Variants in ATG7 observed in about 807,000 individuals in gnomAD.
ATG7 encodes autophagy related 7, also known as ubiquitin-like modifier-activating enzyme ATG7.
A neutral mutation model predicts 82.4 loss-of-function variants in ATG7; 70 were observed. The observed-to-expected ratio is 0.85, with a 90% CI of 0.70 to 1.04. The LOEUF is 1.04. Ranked by LOEUF, ATG7 falls within the 50% of genes least tolerant of loss-of-function variation. The pLI, the probability that ATG7 is intolerant of heterozygous loss-of-function variation, is 0.00. For synonymous variants in ATG7, 287 were observed against 313.0 expected (o/e 0.92, Z 0.88); for missense variants, 792 against 864.3 (o/e 0.92, Z 1.05).
intron 19 of ATG7, among the ~76,000 whole-genome samples, chr3:11,396,084 G>A (rs2079244297): frequency 6.6e-6 from 1 of 151,292 alleles, no homozygotes; most frequent in African/African-American, 2.4e-5. Flanking sequence ...CAAATAGGAG[G>A]AAGGTGATCC....
At chr3:11,376,605 T>C (rs1445189174) in intron 18 of ATG7, among the ~76,000 whole-genome samples, 1 of 152,096 alleles carries the variant, frequency 6.6e-6, no homozygotes, top group East Asian at 1.9e-4. Context: ...GGGAGGGAAG[T>C]TGTAGTTCAG....
chr3:11,277,879 G>A (rs538850383), intron 1 of ATG7, among the ~76,000 whole-genome samples: 96 of 115,948 alleles, frequency 8.3e-4, no homozygotes, highest in African/African-American at 3.2e-3. Flanking sequence ...CTCCCAGAGC[G>A]GCCCTTTATA....
chr3:11,519,292 A>C (rs181469374), intron 20 of ATG7, among the ~76,000 whole-genome samples: 30 of 152,290 alleles, frequency 2.0e-4, no homozygotes, highest in African/African-American at 6.5e-4. Context: ...GTACTATCAT[A>C]ATCCCCATTT....
chr3:11,493,936 G>A (rs2090606788), intron 20 of ATG7, among the ~76,000 whole-genome samples: 1 of 152,064 alleles, frequency 6.6e-6, no homozygotes, highest in African/African-American at 2.4e-5. Context: ...AACCATGACT[G>A]GAAACTGTGT....
chr3:11,302,679 A>G (rs561894858), intron 5 of ATG7, among the ~76,000 whole-genome samples: 51 of 152,346 alleles, frequency 3.3e-4, no homozygotes, highest in African/African-American at 1.2e-3. Context: ...CTGTGTCTTG[A>G]TAACAGAATG....
Position 11,293,546 on chromosome 3 carries a change from AAG to A in ATG7, c.-10-5138_-10-5137del, listed in dbSNP as rs1945310434. Among the ~76,000 whole-genome samples the A allele has an allele frequency of 2.0e-5, 3 of 146,912 alleles. No homozygotes were observed. In the South Asian group the frequency reaches 6.5e-4, roughly 32 times the overall value. ...ACTCTGTCTCAAAAAAAAAAAAAAA[AAG>A]AAAGAAAGTGAATGACTGGCCGGGC... On this transcript the variant is annotated intron_variant, in intron 3 of 20. Transcript: ENST00000693202.
intron 16 of ATG7, among the ~76,000 whole-genome samples, chr3:11,361,664 A>G (rs575015437): frequency 7.9e-5 from 12 of 152,284 alleles, no homozygotes; most frequent in Non-Finnish European, 1.3e-4. Context: ...CTGAAATTCA[A>G]ATTTAACTGA....
chr3:11,306,779 T>C (rs530828740), intron 5 of ATG7, among the ~76,000 whole-genome samples, 164 bp from the exon 6 acceptor site: 5 of 152,266 alleles, frequency 3.3e-5, no homozygotes, highest in African/African-American at 1.2e-4. Context: ...TGTTTTTTAG[T>C]TCTTGAGTTA....
At chr3:11,536,032 C>T (rs933545075) in intron 20 of ATG7, among the ~76,000 whole-genome samples, 3 of 152,188 alleles carry the variant, frequency 2.0e-5, no homozygotes, top group African/African-American at 7.2e-5. Flanking sequence ...GGGCCTCCAT[C>T]TCCATGGGTT....
At chr3:11,319,431 C>T (rs1475266803) in intron 9 of ATG7, among the ~76,000 whole-genome samples, 2 of 152,198 alleles carry the variant, frequency 1.3e-5, no homozygotes, top group African/African-American at 2.4e-5. Flanking sequence ...CACTGCTGCT[C>T]TTTGAGCCCT....
At chr3:11,489,192 G>C (rs2090097131) in intron 20 of ATG7, among the ~76,000 whole-genome samples, 1 of 152,340 alleles carries the variant, frequency 6.6e-6, no homozygotes, top group Non-Finnish European at 1.5e-5. Flanking sequence ...TGTATGCTGG[G>C]AGAACCACTG....
chr3:11,504,533 G>A (rs2091571631), intron 20 of ATG7, among the ~76,000 whole-genome samples: 1 of 152,192 alleles, frequency 6.6e-6, no homozygotes, highest in Non-Finnish European at 1.5e-5. Flanking sequence ...GTGGCAGCTG[G>A]GCCTGAAGCA....
intron 19 of ATG7, among the ~76,000 whole-genome samples, chr3:11,421,530 C>A (rs1399669438): frequency 6.6e-6 from 1 of 152,212 alleles, no homozygotes; most frequent in Non-Finnish European, 1.5e-5. Flanking sequence ...TCAGGCTCCA[C>A]TTTTAGTTCC....
chr3:11,549,916 T>A (rs1235280121), intron 20 of ATG7, among the ~76,000 whole-genome samples: 1 of 152,198 alleles, frequency 6.6e-6, no homozygotes, highest in Non-Finnish European at 1.5e-5. Context: ...TAGCTTCAGC[T>A]CTCCGAGGAG....
At chr3:11,467,690 C>T (rs1043157573) in intron 20 of ATG7, among the ~76,000 whole-genome samples, 1 of 152,010 alleles carries the variant, frequency 6.6e-6, no homozygotes, top group African/African-American at 2.4e-5. Context: ...TTTTTTATTC[C>T]TTTGTCCTGT....
intron 19 of ATG7, among the ~76,000 whole-genome samples, chr3:11,423,102 C>A (rs547217202): frequency 5.3e-4 from 81 of 152,228 alleles, no homozygotes; most frequent in African/African-American, 1.9e-3. Flanking sequence ...GTGACTCTTC[C>A]TTTCACTTGG....
At chr3:11,546,902 G>A (rs1037830636) in intron 20 of ATG7, among the ~76,000 whole-genome samples, 1 of 152,272 alleles carries the variant, frequency 6.6e-6, no homozygotes, top group Non-Finnish European at 1.5e-5. Flanking sequence ...GAGCAGCACA[G>A]GCTGATGCCA....
At position 11,317,678 on chromosome 3, in the gene ATG7, C is replaced by T. The variant is rs1012205016; in HGVS notation, c.678+2185C>T. ...CACGATCTCGGCTCACTGCAACCTC[C>T]GCCTCCTGGCTTCAAGTGATTCTCC... On this transcript the variant is annotated intron_variant, in intron 9 of 20. Coordinates refer to ENST00000693202, the MANE Select transcript of ATG7 (RefSeq NM_001349232.2). 7.9e-5 allele frequency among the ~76,000 whole-genome samples: 12 copies of T among 151,490 alleles called. 1 individual carries two copies. Among genetic ancestry groups the T allele is most frequent in the Admixed American group, 2.0e-4 (3 of 15,202 alleles).
In ATG7 at chr3:11,339,553, G is replaced by A. The variant is rs184988770; in HGVS notation, c.890-1092G>A. On this transcript the variant is annotated intron_variant, in intron 11 of 20. Transcript: ENST00000693202. Reference sequence around the variant, plus strand: ...GGGGGAGTAGCAGAGGTCCTGAGATGTAGGGAGCGCAAGAGAGTGGGATCC... The same window carrying A: ...GGGGGAGTAGCAGAGGTCCTGAGATATAGGGAGCGCAAGAGAGTGGGATCC... Among the ~76,000 whole-genome samples, 34 of 152,286 alleles carry A rather than the reference G, an allele frequency of 2.2e-4. No homozygotes were observed. The East Asian group carries it at 6.4e-3, about 29-fold the overall frequency.
Sources: allele counts gnomAD v4.1 joint callset (sites outside exome capture counted in the v4.1 genomes callset), GRCh38; gene constraint gnomAD v4.1.1; transcripts MANE v1.5; gene names NCBI Gene and HGNC (gene_info 2026-07-23, HGNC 2026-07-21).